GSK3B: variants seen among roughly 807,000 people sequenced by gnomAD.
GSK3B encodes the protein glycogen synthase kinase 3 beta, also known as glycogen synthase kinase-3 beta.
GSK3B carries 15 observed loss-of-function variants against 56.4 expected under a neutral mutation model. That is an observed-to-expected ratio of 0.27 (90% CI 0.18 to 0.41). GSK3B has a LOEUF of 0.41. GSK3B is among the 10% of genes least tolerant of loss of function. GSK3B has a pLI of 1.00. For missense variants in GSK3B, 300 were observed against 513.4 expected, an observed-to-expected ratio of 0.58 and a Z score of 4.02; for synonymous variants, 181 against 188.9, an observed-to-expected ratio of 0.96 and a Z score of 0.34.
At chr3:119,923,509 A>G (rs759440198) in intron 3 of GSK3B, 26 bp from the exon 4 acceptor site, 26 of 1,183,494 alleles carry the variant, frequency 2.2e-5, no homozygotes, top group Admixed American at 1.0e-4. Context: ...TAAAAAAACA[A>G]AAAACAAAAC....
chr3:120,064,876 A>T (rs2058266688), intron 1 of GSK3B, among the ~76,000 whole-genome samples: 1 of 152,222 alleles, frequency 6.6e-6, no homozygotes, highest in South Asian at 2.1e-4. Flanking sequence ...ATGAGTAATA[A>T]GAGTGCCAAC....
At chr3:120,073,219 TAAAAAAAAA>T (rs972347264) in intron 1 of GSK3B, among the ~76,000 whole-genome samples, 1 of 70,632 alleles carries the variant, frequency 1.4e-5, no homozygotes, top group African/African-American at 5.2e-5. Context: ...CAAAAAAAAT[TAAAAAAAAA>T]AAAAAAAAAA....
At chr3:119,880,911 G>A (rs1041178109) in intron 7 of GSK3B, among the ~76,000 whole-genome samples, 2 of 152,066 alleles carry the variant, frequency 1.3e-5, no homozygotes, top group African/African-American at 4.8e-5. Flanking sequence ...AACAACAGCG[G>A]CAATGACATG....
intron 7 of GSK3B, among the ~76,000 whole-genome samples, chr3:119,900,685 C>T (rs1273330972): frequency 2.0e-5 from 3 of 152,052 alleles, no homozygotes; most frequent in Admixed American, 6.6e-5. Flanking sequence ...TTTTGAAACA[C>T]AATGCTGTAT....
intron 1 of GSK3B, among the ~76,000 whole-genome samples, chr3:120,087,845 T>C (rs2058478145): frequency 6.6e-6 from 1 of 151,898 alleles, no homozygotes; most frequent in Non-Finnish European, 1.5e-5. Context: ...TAAGCAAAAA[T>C]GGTAAGGGGG....
At chr3:120,041,930 G>A (rs2077354208) in intron 1 of GSK3B, among the ~76,000 whole-genome samples, 1 of 152,214 alleles carries the variant, frequency 6.6e-6, no homozygotes, top group Non-Finnish European at 1.5e-5. Flanking sequence ...TGCAGAACCA[G>A]GAGGAACCAT....
chr3:120,018,768 T>G (rs541376944), intron 1 of GSK3B, among the ~76,000 whole-genome samples: 1 of 152,308 alleles, frequency 6.6e-6, no homozygotes, highest in East Asian at 1.9e-4. Context: ...GTCATTTTGC[T>G]GATATACAAA....
chr3:119,978,472 G>A (rs1285029501), intron 2 of GSK3B, among the ~76,000 whole-genome samples: 6 of 152,132 alleles, frequency 3.9e-5, no homozygotes, highest in Non-Finnish European at 7.3e-5. Flanking sequence ...ACTGCCAGCC[G>A]CGTTTTGTGT....
intron 2 of GSK3B, among the ~76,000 whole-genome samples, chr3:119,987,099 T>C (rs1267856880): frequency 6.6e-6 from 1 of 152,198 alleles, no homozygotes; most frequent in Non-Finnish European, 1.5e-5. Context: ...GACCGCATGT[T>C]CTCACTCACA....
chr3:120,078,920 C>T (rs1056554036), intron 1 of GSK3B, among the ~76,000 whole-genome samples: 1 of 141,464 alleles, frequency 7.1e-6, no homozygotes, highest in Non-Finnish European at 1.5e-5. Context: ...AAATTACACA[C>T]ACACACACAC....
intron 1 of GSK3B, among the ~76,000 whole-genome samples, chr3:120,037,495 A>G (rs145746343): frequency 2.6e-5 from 4 of 152,318 alleles, no homozygotes; most frequent in Non-Finnish European, 5.9e-5. Flanking sequence ...AAAATAAGAA[A>G]CAATCCTAAA....
intron 9 of GSK3B, among the ~76,000 whole-genome samples, chr3:119,855,213 C>A (rs189224490): frequency 7.2e-4 from 110 of 152,162 alleles, no homozygotes; most frequent in East Asian, 2.5e-3. Flanking sequence ...ATGCAGCCAA[C>A]AGACACATGA....
At chr3:119,899,062 C>T (rs771070337) in intron 7 of GSK3B, among the ~76,000 whole-genome samples, 43 of 152,002 alleles carry the variant, frequency 2.8e-4, no homozygotes, top group Non-Finnish European at 5.6e-4. Flanking sequence ...GGATCATCTG[C>T]TTGGAATGAT....
intron 2 of GSK3B, among the ~76,000 whole-genome samples, chr3:119,990,262 A>G (rs1019317635): frequency 6.6e-6 from 1 of 151,986 alleles, no homozygotes; most frequent in African/African-American, 2.4e-5. Flanking sequence ...CTCCTCCCAG[A>G]GAGATTCTAA....
intron 1 of GSK3B, chr3:120,029,144 C>T (rs1281678597): frequency 1.4e-6 from 1 of 699,910 alleles, no homozygotes; most frequent in Non-Finnish European, 2.6e-6. Context: ...GATATAAAAG[C>T]TGACGGTTGG....
At chr3:119,940,599 C>T (rs1480447442) in intron 3 of GSK3B, among the ~76,000 whole-genome samples, 8 of 152,044 alleles carry the variant, frequency 5.3e-5, no homozygotes, top group Admixed American at 5.2e-4. Context: ...GCTCAAATCT[C>T]ATCAAAACAT....
chr3:119,979,278 T>C (rs960049043), intron 2 of GSK3B, among the ~76,000 whole-genome samples: 2 of 152,316 alleles, frequency 1.3e-5, no homozygotes, highest in African/African-American at 4.8e-5. Flanking sequence ...ACCCTACCTG[T>C]GTCAAGCTTG....
chr3:120,055,343 TTCAATA>T (rs1488822502), intron 1 of GSK3B, among the ~76,000 whole-genome samples: 4 of 152,180 alleles, frequency 2.6e-5, no homozygotes, highest in African/African-American at 9.6e-5. Flanking sequence ...CTAGCATTTT[TTCAATA>T]TTGAAATAAC....
chr3:119,992,436 TAATTCATACCATAATAGGAATAAA>T (rs2057574394), intron 2 of GSK3B, among the ~76,000 whole-genome samples: 1 of 152,076 alleles, frequency 6.6e-6, no homozygotes, highest in Admixed American at 6.5e-5. Context: ...ATTAGATCAA[TAATTCATACCATAATAGGAATAAA>T]CTCCAAATGG....
Sources: gnomAD v4.1 joint callset for allele counts (sites outside exome capture counted in the v4.1 genomes callset) on GRCh38, gnomAD v4.1.1 for gene constraint, MANE v1.5 for transcripts, NCBI Gene and HGNC (gene_info 2026-07-23, HGNC 2026-07-21) for gene names.